The following ABL1 variants were observed in gnomAD, a reference collection of about 807,000 sequenced individuals.
ABL1 encodes ABL proto-oncogene 1, non-receptor tyrosine kinase, also known as tyrosine-protein kinase ABL1.
ABL1 carries 11 observed loss-of-function variants against 94.7 expected under a neutral mutation model. The ratio of observed to expected loss-of-function variants is 0.12; its 90% CI spans 0.07 to 0.19. The LOEUF (loss-of-function observed/expected upper bound fraction) is 0.19. Among genes scored for constraint, ABL1 ranks in the 10% least tolerant of loss-of-function variants. The pLI is 1.00. For missense variants in ABL1, 1,082 were observed against 1,489.4 expected (o/e 0.73, Z 4.50); for synonymous variants, 656 against 622.4 (o/e 1.05, Z -0.80).
rs572224757 is a variant in ABL1, at chr9:130,885,736, G to C, written c.*53G>C. 8 of 1,560,272 alleles carry C rather than the reference G, an allele frequency of 5.1e-6. No individual in the cohort carries two copies. In the African/African-American group the frequency reaches 1.1e-4, roughly 21 times the overall value. On this transcript the variant is annotated 3_prime_UTR_variant, in exon 11 of 11. Transcript: ENST00000318560. ...CGTCGGAGCTGCCTGCAGCACATGC[G>C]GGCTCGCCCATACCCGTGACAGTGG...
intron 1 of ABL1, among the ~76,000 whole-genome samples, chr9:130,725,833 T>TGTTGTTG (rs1380959240): frequency 1.1e-5 from 1 of 91,892 alleles, no homozygotes; most frequent in African/African-American, 5.7e-5. Flanking sequence ...GGTTTTTTTT[T>TGTTGTTG]TTTTTTTTTT....
intron 1 of ABL1, among the ~76,000 whole-genome samples, chr9:130,850,664 G>A (rs945097114): frequency 4.6e-5 from 7 of 152,054 alleles, no homozygotes; most frequent in South Asian, 4.2e-4. Context: ...GCACCACCAC[G>A]CCCAACTAAT....
At chr9:130,833,995 G>A (rs577594209), upstream of ABL1, 3 of 455,990 alleles carry the variant, frequency 6.6e-6, no homozygotes, top group East Asian at 6.9e-5. Flanking sequence ...TGAAGGGTCA[G>A]CATCATCCAC....
chr9:130,773,454 T>G (rs1395651960), intron 1 of ABL1, among the ~76,000 whole-genome samples: 5 of 152,130 alleles, frequency 3.3e-5, no homozygotes, highest in Non-Finnish European at 7.4e-5. Flanking sequence ...CCCCCAATGT[T>G]TTGTTTTTGT....
At chr9:130,861,016 G>A (rs560739660) in intron 3 of ABL1, among the ~76,000 whole-genome samples, 3 of 152,312 alleles carry the variant, frequency 2.0e-5, no homozygotes, top group South Asian at 2.1e-4. Context: ...CTGTGTGCAC[G>A]TTCGTGGGTC....
chr9:130,830,080 T>C (rs1830476497), intron 1 of ABL1, among the ~76,000 whole-genome samples: 1 of 152,232 alleles, frequency 6.6e-6, no homozygotes. Flanking sequence ...GCTTGAGTTT[T>C]AACCATGTTA....
At chr9:130,714,502 A>C (rs1025153363) in intron 1 of ABL1, 1 of 1,613,648 alleles carries the variant, frequency 6.2e-7, no homozygotes, top group Admixed American at 1.7e-5. Context: ...TCATGCATTC[A>C]TCTTAGGCCT....
At chr9:130,813,653 T>C (rs1830243998) in intron 1 of ABL1, among the ~76,000 whole-genome samples, 1 of 151,770 alleles carries the variant, frequency 6.6e-6, no homozygotes, top group African/African-American at 2.4e-5. Context: ...CTGGAAGATC[T>C]TTCAAATATT....
chr9:130,785,136 T>C (rs959402269), intron 1 of ABL1, among the ~76,000 whole-genome samples: 2 of 152,240 alleles, frequency 1.3e-5, no homozygotes, highest in African/African-American at 4.8e-5. Flanking sequence ...GGCGAGGTGT[T>C]AGGCTTTGTC....
At chr9:130,834,959 G>T, upstream of ABL1, 1 of 454,668 alleles carries the variant, frequency 2.2e-6, no homozygotes, top group Admixed American at 2.4e-5. Context: ...CCAGGCCGCG[G>T]TGGAGTTGCG....
chr9:130,713,754 A>G (rs2132660575), exon 1 of ABL1, among the ~76,000 whole-genome samples: 1 of 152,352 alleles, frequency 6.6e-6, no homozygotes, highest in Non-Finnish European at 1.5e-5. Flanking sequence ...CCTTTTCGTC[A>G]GAGTCGAGGG....
chr9:130,802,583 A>G (rs11244148), intron 1 of ABL1, among the ~76,000 whole-genome samples: 31,522 of 152,026 alleles, frequency 0.21, 3,766 homozygotes, highest in African/African-American at 0.33. Flanking sequence ...TCCCCCATTG[A>G]GATTTCCTAC....
Position 130,716,072 on chromosome 9 carries a change from C to CTT in ABL1, c.136+1648_136+1649dup, listed in dbSNP as rs71389339. ...TATCCACTTTTCACTGAAAAATGTCCTTTTTTTTTTTTTTTTTTTTTTTTT... is the reference window on the plus strand; with the variant it reads ...TATCCACTTTTCACTGAAAAATGTCCTTTTTTTTTTTTTTTTTTTTTTTTTTT... On this transcript the variant is annotated intron_variant, in intron 1 of 10. Coordinates refer to the ABL1 transcript ENST00000372348. Among the ~76,000 whole-genome samples, 795 of 91,226 alleles carry CTT rather than the reference C, an allele frequency of 8.7e-3. 82 individuals carry two copies. The highest frequency in any genetic ancestry group is 0.018 in the Middle Eastern group (2 of 114). The allele number at this position is 91,226 out of a possible 152,430, so 59.8% of individuals were successfully genotyped here. A position where few individuals can be genotyped will look rare whatever the true frequency, so the allele number is the denominator to read the frequency against.
chr9:130,883,899 G>T lies in ABL1; in HGVS notation c.1679-70G>T, dbSNP rs1409226589. 3 of 1,523,246 alleles carry T rather than the reference G, an allele frequency of 2.0e-6. No individual in the cohort carries two copies. In the East Asian group the frequency reaches 6.8e-5, roughly 34 times the overall value. The allele number at this position is 1,523,246 out of a possible 1,614,324, so 94.4% of individuals were successfully genotyped here. A position where few individuals can be genotyped will look rare whatever the true frequency, so the allele number is the denominator to read the frequency against. On this transcript the variant is annotated intron_variant, in intron 10 of 10. Transcript: ENST00000318560. ...GCAGCAGTGGCACTCTGCCTCCCGG[G>T]TTCAAGCGATTCTCCTCTGTCAGCC... is the stretch of plus-strand genomic sequence containing the variant.
At chr9:130,726,163 A>T (rs991116486) in intron 1 of ABL1, among the ~76,000 whole-genome samples, 1 of 149,246 alleles carries the variant, frequency 6.7e-6, no homozygotes, top group Non-Finnish European at 1.5e-5. Flanking sequence ...ATATTTTAAT[A>T]TTTTTTTTAA....
At chr9:130,759,765 C>G (rs1832086820) in intron 1 of ABL1, among the ~76,000 whole-genome samples, 2 of 152,030 alleles carry the variant, frequency 1.3e-5, no homozygotes, top group Admixed American at 1.3e-4. Context: ...ATTTCTTCCC[C>G]TAGGACACGC....
rs1831279654 is a variant in ABL1 at position 130,873,044 on chromosome 9, G to T, written c.1085+7G>T. The T allele has an allele frequency of 6.2e-7, 1 of 1,611,060 alleles. No individual in the cohort carries two copies. The highest frequency in any genetic ancestry group is 8.5e-7 in the Non-Finnish European group (1 of 1,178,184). ...AGAAAAACTTCATCCACAGGTAGGG[G>T]CCTGGCCAGGCAGCCTGCGCCATGG... On this transcript the variant is annotated splice_region_variant and intron_variant, in intron 6 of 10. Coordinates refer to ENST00000318560, the MANE Select transcript of ABL1 (RefSeq NM_005157.6).
chr9:130,717,660 A>T lies in ABL1; in HGVS notation c.136+3205A>T, dbSNP rs772684579. On this transcript the variant is annotated intron_variant, in intron 1 of 10. Coordinates refer to the ABL1 transcript ENST00000372348. Reference sequence around the variant, plus strand: ...GAGGGAGACCGTGTCTCTGGGGGGTAAAAAAAAAAAAAAATACAGTTCATT... The same window carrying T: ...GAGGGAGACCGTGTCTCTGGGGGGTTAAAAAAAAAAAAAATACAGTTCATT... Among the ~76,000 whole-genome samples, 197 of 131,730 alleles carry T rather than the reference A, an allele frequency of 1.5e-3. 1 individual carries two copies. Among genetic ancestry groups the T allele is most frequent in the Middle Eastern group, 3.6e-3 (1 of 276 alleles). The allele number at this position is 131,730 out of a possible 152,430, so 86.4% of individuals were successfully genotyped here.
At chr9:130,733,692 C>T (rs1176430838) in intron 1 of ABL1, among the ~76,000 whole-genome samples, 1 of 151,574 alleles carries the variant, frequency 6.6e-6, no homozygotes, top group Non-Finnish European at 1.5e-5. Flanking sequence ...CATTCTCCTG[C>T]CTCAGCCTCC....
Sources: gnomAD v4.1 joint callset for allele counts (sites outside exome capture counted in the v4.1 genomes callset) on GRCh38, gnomAD v4.1.1 for gene constraint, MANE v1.5 for transcripts, NCBI Gene and HGNC (gene_info 2026-07-23, HGNC 2026-07-21) for gene names.